Variants in GAS2 observed in about 807,000 individuals in gnomAD.
GAS2 encodes the protein growth arrest-specific protein 2.
Under a neutral mutation model 37.5 loss-of-function variants are expected in GAS2, and 20 were observed. That is an observed-to-expected ratio of 0.53 (90% CI 0.37 to 0.77). GAS2 has a LOEUF of 0.77. Among genes scored for constraint, GAS2 ranks in the 30% least tolerant of loss-of-function variants. The pLI is 0.00. For missense variants in GAS2, 336 were observed against 373.4 expected (o/e 0.90, Z 0.82); for synonymous variants, 144 against 132.2 (o/e 1.09, Z -0.61).
chr11:22,636,676 G>A (rs1222944277), intron 1 of GAS2, among the ~76,000 whole-genome samples: 1 of 151,826 alleles, frequency 6.6e-6, no homozygotes, highest in East Asian at 1.9e-4. Flanking sequence ...AGGCCTAGAG[G>A]ATCTAGTGAA....
chr11:22,790,916 G>T (rs943851707), intron 7 of GAS2, among the ~76,000 whole-genome samples: 7 of 152,084 alleles, frequency 4.6e-5, no homozygotes, highest in Non-Finnish European at 8.8e-5. Flanking sequence ...GCTTCAGAGT[G>T]TCAAAGATAA....
intron 7 of GAS2, among the ~76,000 whole-genome samples, chr11:22,758,130 C>G (rs1590097265): frequency 6.6e-6 from 1 of 152,266 alleles, no homozygotes; most frequent in Middle Eastern, 3.4e-3. Context: ...CTCAAAAAAT[C>G]TCATAGGTAT....
intron 3 of GAS2, among the ~76,000 whole-genome samples, chr11:22,701,531 A>T (rs903631252): frequency 6.6e-6 from 1 of 152,140 alleles, no homozygotes; most frequent in Non-Finnish European, 1.5e-5. Context: ...GCTTAAAAAA[A>T]AAATAGTTCG....
chr11:22,762,880 A>G (rs1377805194), intron 7 of GAS2, among the ~76,000 whole-genome samples: 2 of 152,178 alleles, frequency 1.3e-5, no homozygotes, highest in Non-Finnish European at 2.9e-5. Flanking sequence ...TAATTCTCCC[A>G]TATTGCCAGT....
chr11:22,786,714 C>G (rs543115748), intron 7 of GAS2, among the ~76,000 whole-genome samples: 23 of 152,012 alleles, frequency 1.5e-4, no homozygotes, highest in Non-Finnish European at 1.3e-4. Context: ...CAAAATTGAC[C>G]ACAAAAGTAG....
upstream of GAS2, among the ~76,000 whole-genome samples, chr11:22,663,044 C>G (rs544867223): frequency 1.3e-5 from 2 of 151,936 alleles, no homozygotes; most frequent in African/African-American, 4.8e-5. Flanking sequence ...AGGAAACTTA[C>G]AATCATGGGG....
chr11:22,651,327 A>C (rs1305294652), intron 1 of GAS2, among the ~76,000 whole-genome samples: 8 of 152,118 alleles, frequency 5.3e-5, no homozygotes, highest in Non-Finnish European at 1.2e-4. Context: ...GGTAACCCGA[A>C]CTTTCGCTCA....
At chr11:22,707,219 G>A (rs1851171665) in intron 3 of GAS2, among the ~76,000 whole-genome samples, 1 of 152,060 alleles carries the variant, frequency 6.6e-6, no homozygotes, top group South Asian at 2.1e-4. Flanking sequence ...AAGTGGAAAG[G>A]CCACGGAAGA....
intron 2 of GAS2, among the ~76,000 whole-genome samples, chr11:22,675,896 G>A (rs1849405366): frequency 6.6e-6 from 1 of 152,122 alleles, no homozygotes; most frequent in Non-Finnish European, 1.5e-5. Context: ...AGCTTAGTAA[G>A]GTGCACCCTG....
At chr11:22,749,300 C>T in intron 6 of GAS2, 39 bp downstream of exon 6, 1 of 1,567,514 alleles carries the variant, frequency 6.4e-7, no homozygotes, top group African/African-American at 1.4e-5. Context: ...AACGGTTAGT[C>T]TTTCTTGCAC....
At chr11:22,691,365 T>G (rs946495149) in intron 3 of GAS2, among the ~76,000 whole-genome samples, 3 of 152,200 alleles carry the variant, frequency 2.0e-5, no homozygotes, top group African/African-American at 7.2e-5. Context: ...ATTAGAAATT[T>G]TCTTCTCAGA....
chr11:22,682,653 G>A (rs1216296920), intron 2 of GAS2, among the ~76,000 whole-genome samples: 1 of 151,892 alleles, frequency 6.6e-6, no homozygotes, highest in African/African-American at 2.4e-5. Context: ...GCTGAGGCGG[G>A]CAGATCACTA....
upstream of GAS2, among the ~76,000 whole-genome samples, chr11:22,663,545 A>G (rs1399857950): frequency 2.0e-5 from 3 of 152,244 alleles, no homozygotes; most frequent in African/African-American, 7.2e-5. Context: ...TTTGCCAGAA[A>G]AAAATGAGTC....
chr11:22,695,614 G>A (rs1850464042), intron 3 of GAS2, among the ~76,000 whole-genome samples: 1 of 152,090 alleles, frequency 6.6e-6, no homozygotes, highest in Non-Finnish European at 1.5e-5. Flanking sequence ...TTTAGCAAAG[G>A]ACAGGAGCCA....
intron 7 of GAS2, among the ~76,000 whole-genome samples, chr11:22,809,138 A>C (rs1857024605): frequency 6.6e-6 from 1 of 152,176 alleles, no homozygotes; most frequent in South Asian, 2.1e-4. Context: ...TGACCGAAAC[A>C]CCATGGGTTA....
chr11:22,795,026 T>C (rs10833818), intron 7 of GAS2, among the ~76,000 whole-genome samples: 65,059 of 151,902 alleles, frequency 0.43, 14,590 homozygotes, highest in East Asian at 0.74. Context: ...AAAAGGGTTC[T>C]AGGAAATAAG....
intron 7 of GAS2, among the ~76,000 whole-genome samples, chr11:22,773,868 A>C (rs1177237556): frequency 1.3e-5 from 2 of 152,172 alleles, no homozygotes; most frequent in Non-Finnish European, 2.9e-5. Context: ...TTTAGATTCC[A>C]GCAATTTTCA....
chr11:22,794,096 A>G (rs549244371), intron 7 of GAS2, among the ~76,000 whole-genome samples: 1 of 119,326 alleles, frequency 8.4e-6, no homozygotes, highest in South Asian at 3.4e-4. Flanking sequence ...TAAGATCTTC[A>G]CAGTAATAAA....
In GAS2 at chr11:22,749,395, A is replaced by G. The variant is rs1362767721; in HGVS notation, c.615+134A>G. ...TGAAATGTATTTTAAGCCCATATGA[A>G]AAACTTTGTAGTCCTACAATTCATT... On this transcript the variant is annotated intron_variant, in intron 6 of 7. Transcript: ENST00000454584. The G allele has an allele frequency of 9.1e-6, 7 of 770,070 alleles. No homozygotes were observed. In the African/African-American group the frequency reaches 1.1e-4, roughly 12 times the overall value. 47.7% of individuals were successfully genotyped at this position (770,070 alleles called of 1,614,324 possible). A position where few individuals can be genotyped will look rare whatever the true frequency, so the allele number is the denominator to read the frequency against.
Sources: gnomAD v4.1 joint callset for allele counts (sites outside exome capture counted in the v4.1 genomes callset) on GRCh38, gnomAD v4.1.1 for gene constraint, MANE v1.5 for transcripts, NCBI Gene and HGNC (gene_info 2026-07-23, HGNC 2026-07-21) for gene names.